Variants in GABRB1 observed in about 807,000 individuals in gnomAD.
The protein encoded by GABRB1 is gamma-aminobutyric acid type A receptor subunit beta1, also known as gamma-aminobutyric acid receptor subunit beta-1.
A neutral mutation model predicts 51.6 loss-of-function variants in GABRB1; 17 were observed. That is an observed-to-expected ratio of 0.33 (90% CI 0.23 to 0.49). The LOEUF is 0.49. GABRB1 is among the 20% of genes least tolerant of loss of function. The probability of loss-of-function intolerance (pLI) is 0.99; values close to 1 mark genes in which losing one functional copy is unlikely to be tolerated. For synonymous variants in GABRB1, 247 were observed against 218.9 expected (o/e 1.13, Z -1.14); for missense variants, 410 against 600.6 (o/e 0.68, Z 3.32).
At chr4:47,373,612 T>A (rs1369082729) in intron 5 of GABRB1, among the ~76,000 whole-genome samples, 1 of 152,204 alleles carries the variant, frequency 6.6e-6, no homozygotes, top group Non-Finnish European at 1.5e-5. Flanking sequence ...TAGGGTTCCA[T>A]TTGTCATCTC....
chr4:47,219,160 T>C (rs1259945175), intron 4 of GABRB1, among the ~76,000 whole-genome samples: 1 of 151,882 alleles, frequency 6.6e-6, no homozygotes, highest in Non-Finnish European at 1.5e-5. Flanking sequence ...AATATGGAAA[T>C]GTTAATAAAA....
intron 8 of GABRB1, among the ~76,000 whole-genome samples, chr4:47,418,092 C>T (rs781314187): frequency 2.4e-4 from 36 of 152,212 alleles, no homozygotes; most frequent in South Asian, 1.9e-3. Context: ...AGAAACAGTA[C>T]AGCCATCACA....
chr4:47,205,524 A>G lies in GABRB1; in HGVS notation c.461+44055A>G, dbSNP rs2351297. Among the ~76,000 whole-genome samples the G allele has an allele frequency of 8.5e-4, 129 of 152,252 alleles. 1 individual carries two copies. The South Asian group carries it at 0.025, about 30-fold the overall frequency. ...TGATTTTACTAACATTGTAAAAGCAATTCAGTTTAAGGTTTATGTGACTGT... is the reference window on the plus strand; with the variant it reads ...TGATTTTACTAACATTGTAAAAGCAGTTCAGTTTAAGGTTTATGTGACTGT... On this transcript the variant is annotated intron_variant, in intron 4 of 8. Coordinates refer to ENST00000295454, the MANE Select transcript of GABRB1 (RefSeq NM_000812.4).
intron 4 of GABRB1, among the ~76,000 whole-genome samples, chr4:47,227,494 A>C (rs780664954): frequency 5.9e-5 from 9 of 152,168 alleles, no homozygotes; most frequent in Non-Finnish European, 1.3e-4. Context: ...AGAGTGAAGG[A>C]GGAAGAATTA....
intron 4 of GABRB1, among the ~76,000 whole-genome samples, chr4:47,256,577 T>C (rs1197953189): frequency 6.6e-6 from 1 of 152,228 alleles, no homozygotes; most frequent in Non-Finnish European, 1.5e-5. Context: ...AATTGGTTCC[T>C]GGTTCTGTAG....
chr4:47,044,420 T>C (rs963864468), intron 3 of GABRB1, among the ~76,000 whole-genome samples: 1 of 152,048 alleles, frequency 6.6e-6, no homozygotes, highest in Non-Finnish European at 1.5e-5. Context: ...TTTAAATCAC[T>C]TTAAGATGTC....
At chr4:47,369,434 TACACACACAC>T (rs34999907) in intron 5 of GABRB1, among the ~76,000 whole-genome samples, 8 of 149,914 alleles carry the variant, frequency 5.3e-5, no homozygotes, top group East Asian at 2.0e-4. Context: ...TCTTTCTATT[TACACACACAC>T]ACACACACAC....
At chr4:47,019,680 C>CT (rs1184158275) in intron 1 of GABRB1, among the ~76,000 whole-genome samples, 10 of 24,624 alleles carry the variant, frequency 4.1e-4, no homozygotes, top group East Asian at 1.5e-3. Context: ...TCTTTCTTTC[C>CT]TTCTTTCCTT....
intron 5 of GABRB1, among the ~76,000 whole-genome samples, chr4:47,386,735 GA>G (rs1024856197): frequency 3.3e-5 from 5 of 151,018 alleles, no homozygotes; most frequent in South Asian, 2.1e-4. Context: ...AAGAAGGAAG[GA>G]AAAAAAAATT....
intron 4 of GABRB1, among the ~76,000 whole-genome samples, chr4:47,259,316 G>A (rs1184170714): frequency 6.6e-6 from 1 of 151,980 alleles, no homozygotes; most frequent in African/African-American, 2.4e-5. Flanking sequence ...TCATAAACTT[G>A]GCAAATGAGG....
chr4:47,342,632 A>T (rs1327872226), intron 5 of GABRB1, among the ~76,000 whole-genome samples: 2 of 152,202 alleles, frequency 1.3e-5, no homozygotes, highest in African/African-American at 2.4e-5. Flanking sequence ...TTTTCAGAAG[A>T]TGTACAGCTT....
At chr4:47,222,400 T>C (rs919635304) in intron 4 of GABRB1, among the ~76,000 whole-genome samples, 1 of 152,124 alleles carries the variant, frequency 6.6e-6, no homozygotes, top group African/African-American at 2.4e-5. Context: ...CCCTCCCACA[T>C]AGATACTGAC....
chr4:47,185,512 C>A (rs930325978), intron 4 of GABRB1, among the ~76,000 whole-genome samples: 3 of 151,774 alleles, frequency 2.0e-5, no homozygotes, highest in Non-Finnish European at 2.9e-5. Context: ...AACATCCAAA[C>A]TTCCTGACAT....
intron 4 of GABRB1, among the ~76,000 whole-genome samples, chr4:47,311,812 C>G (rs370298233): frequency 6.6e-6 from 1 of 152,126 alleles, no homozygotes; most frequent in Non-Finnish European, 1.5e-5. Context: ...GCCAAAGTAA[C>G]TCTGCCTCTT....
At chr4:47,106,073 A>C (rs1165370165) in intron 3 of GABRB1, among the ~76,000 whole-genome samples, 2 of 152,098 alleles carry the variant, frequency 1.3e-5, no homozygotes, top group Non-Finnish European at 2.9e-5. Flanking sequence ...ATTCAAGAAA[A>C]GCTGTAATTT....
chr4:47,057,000 G>A (rs1366690654), intron 3 of GABRB1, among the ~76,000 whole-genome samples: 2 of 152,134 alleles, frequency 1.3e-5, no homozygotes, highest in Non-Finnish European at 2.9e-5. Flanking sequence ...CAGCTACTCA[G>A]GAGGCTGAGG....
chr4:47,409,368 G>C (rs139458600), intron 8 of GABRB1, among the ~76,000 whole-genome samples: 1 of 152,300 alleles, frequency 6.6e-6, no homozygotes, highest in Non-Finnish European at 1.5e-5. Context: ...GTGGCTCTCA[G>C]TGAGATGAAT....
intron 5 of GABRB1, among the ~76,000 whole-genome samples, chr4:47,395,114 G>A (rs1450357082): frequency 6.6e-6 from 1 of 152,184 alleles, no homozygotes; most frequent in African/African-American, 2.4e-5. Flanking sequence ...ATGGGATAAT[G>A]AGAATTTGGG....
At chr4:47,286,368 A>G (rs978846955) in intron 4 of GABRB1, among the ~76,000 whole-genome samples, 10 of 152,148 alleles carry the variant, frequency 6.6e-5, no homozygotes, top group African/African-American at 2.2e-4. Context: ...TTATATAAGT[A>G]TATTGTGATA....
Sources: allele counts gnomAD v4.1 joint callset (sites outside exome capture counted in the v4.1 genomes callset), GRCh38; gene constraint gnomAD v4.1.1; transcripts MANE v1.5; gene names NCBI Gene and HGNC (gene_info 2026-07-23, HGNC 2026-07-21).